Variants in MAGI2 observed in about 807,000 individuals in gnomAD.
MAGI2 encodes membrane associated guanylate kinase, WW and PDZ domain containing 2.
MAGI2 carries 35 observed loss-of-function variants against 133.3 expected under a neutral mutation model. The ratio of observed to expected loss-of-function variants is 0.26; its 90% CI spans 0.20 to 0.35. The LOEUF is 0.35. MAGI2 is among the 10% of genes least tolerant of loss of function. MAGI2 has a pLI of 1.00. For missense variants in MAGI2, 1,636 were observed against 1,863.4 expected, an observed-to-expected ratio of 0.88 and a Z score of 2.25; for synonymous variants, 729 against 710.6, an observed-to-expected ratio of 1.03 and a Z score of -0.41.
chr7:78,171,906 T>A (rs1524744), intron 14 of MAGI2, among the ~76,000 whole-genome samples: 6 of 151,424 alleles, frequency 4.0e-5, no homozygotes, highest in Admixed American at 2.6e-4. Flanking sequence ...TGTTTGTTTT[T>A]TTTTCCCTAT....
Position 79,140,969 on chromosome 7 carries a change from T to C in MAGI2, c.302-133763A>G, listed in dbSNP as rs545578043. 4.2e-4 allele frequency among the ~76,000 whole-genome samples: 64 copies of C among 152,326 alleles called. 4 individuals carry two copies. The South Asian group carries it at 0.013, about 31-fold the overall frequency. On this transcript the variant is annotated intron_variant, in intron 1 of 21. Coordinates refer to ENST00000354212, the MANE Select transcript of MAGI2 (RefSeq NM_012301.4). ...CGAATCCAAGTGTGTAGTGCCTTAA[T>C]CAGTTTCTAAATACTTCTAGGTTTT... is the stretch of plus-strand genomic sequence containing the variant.
intron 2 of MAGI2, among the ~76,000 whole-genome samples, chr7:78,852,760 G>C (rs930359027): frequency 1.3e-5 from 2 of 152,100 alleles, no homozygotes; most frequent in African/African-American, 2.4e-5. Context: ...TTTGGGGAAC[G>C]AAAAGAGTAG....
intron 2 of MAGI2, among the ~76,000 whole-genome samples, chr7:78,824,622 GTT>G (rs34749986): frequency 6.6e-6 from 1 of 151,582 alleles, no homozygotes; most frequent in Non-Finnish European, 1.5e-5. Flanking sequence ...TGATGGGGTT[GTT>G]TTTTTTCTAG....
intron 2 of MAGI2, among the ~76,000 whole-genome samples, chr7:78,917,081 T>C (rs1798862464): frequency 6.6e-6 from 1 of 152,072 alleles, no homozygotes. Context: ...CTAAAAAAAT[T>C]AGTGATCAGT....
intron 1 of MAGI2, among the ~76,000 whole-genome samples, chr7:79,140,475 T>TTATGTAAA (rs1397581713): frequency 2.0e-5 from 3 of 152,178 alleles, no homozygotes; most frequent in Non-Finnish European, 4.4e-5. Flanking sequence ...TGTATCTTGT[T>TTATGTAAA]TATGTAAATA....
chr7:78,847,115 C>G (rs374386803), intron 2 of MAGI2, among the ~76,000 whole-genome samples: 91 of 152,044 alleles, frequency 6.0e-4, no homozygotes, highest in African/African-American at 2.0e-3. Flanking sequence ...AATGGTAACT[C>G]TCCTTATAAT....
chr7:78,945,785 T>TCA (rs1319283307), intron 2 of MAGI2, among the ~76,000 whole-genome samples: 2 of 152,176 alleles, frequency 1.3e-5, no homozygotes, highest in African/African-American at 4.8e-5. Context: ...ACTGTGTGCG[T>TCA]CACACAGGAT....
chr7:78,899,345 C>T (rs1797437190), intron 2 of MAGI2, among the ~76,000 whole-genome samples: 1 of 152,078 alleles, frequency 6.6e-6, no homozygotes. Flanking sequence ...GTTATTTCTT[C>T]TTTCTCCTGC....
intron 3 of MAGI2, among the ~76,000 whole-genome samples, chr7:78,613,099 C>A (rs1806652931): frequency 6.6e-6 from 1 of 152,036 alleles, no homozygotes; most frequent in Admixed American, 6.5e-5. Flanking sequence ...ATAGTAAGAC[C>A]CATTTACTAA....
At chr7:79,177,084 T>C (rs1382653166) in intron 1 of MAGI2, 1 of 152,030 alleles carries the variant, frequency 6.6e-6, no homozygotes, top group Non-Finnish European at 1.5e-5. Context: ...TACCTAGAGA[T>C]GAAAACGGCA....
chr7:78,616,098 G>T (rs1315629612), intron 3 of MAGI2: 1 of 152,152 alleles, frequency 6.6e-6, no homozygotes, highest in Non-Finnish European at 1.5e-5. Flanking sequence ...AAATGTTAGT[G>T]AATTAGCTAA....
chr7:79,314,091 A>G (rs911549612), intron 1 of MAGI2, among the ~76,000 whole-genome samples: 2 of 152,202 alleles, frequency 1.3e-5, no homozygotes, highest in African/African-American at 4.8e-5. Flanking sequence ...CTCCTGCCTC[A>G]GCCTCCAGAG....
At chr7:78,189,458 T>A (rs367802443) in intron 12 of MAGI2, among the ~76,000 whole-genome samples, 194 of 152,296 alleles carry the variant, frequency 1.3e-3, no homozygotes, top group African/African-American at 4.3e-3. Flanking sequence ...TCAGAGAAAT[T>A]TCTGTTCTAA....
Position 78,717,886 on chromosome 7 carries a change from G to A in MAGI2, c.419-90647C>T, listed in dbSNP as rs569107258. Among the ~76,000 whole-genome samples the A allele has an allele frequency of 2.0e-5, 3 of 152,226 alleles. No homozygotes were observed. In the East Asian group the frequency reaches 5.8e-4, roughly 30 times the overall value. ...AGTACTAGCATAAGTACTAATATAA[G>A]CAAATACTGTGAAAGTCAGTTTCAA... On this transcript the variant is annotated intron_variant, in intron 2 of 21. Coordinates refer to ENST00000354212, the MANE Select transcript of MAGI2 (RefSeq NM_012301.4).
At chr7:78,274,775 T>C (rs774329094) in intron 9 of MAGI2, among the ~76,000 whole-genome samples, 7 of 152,058 alleles carry the variant, frequency 4.6e-5, no homozygotes, top group African/African-American at 7.2e-5. Flanking sequence ...TTAGCAGTGG[T>C]GGATGCACCT....
intron 1 of MAGI2, among the ~76,000 whole-genome samples, chr7:79,066,267 A>G (rs186499011): frequency 2.0e-4 from 30 of 149,904 alleles, no homozygotes; most frequent in African/African-American, 6.2e-4. Context: ...CCAGTGTGAG[A>G]TGATATCTCA....
intron 2 of MAGI2, among the ~76,000 whole-genome samples, chr7:78,850,586 T>G (rs1584142656): frequency 6.6e-6 from 1 of 152,236 alleles, no homozygotes. Context: ...GTGGCCTAGA[T>G]GTTCTTATCC....
At chr7:78,696,878 T>A (rs1051379294) in intron 2 of MAGI2, among the ~76,000 whole-genome samples, 25 of 152,138 alleles carry the variant, frequency 1.6e-4, no homozygotes, top group African/African-American at 5.1e-4. Context: ...ATAAAGCAGA[T>A]CAATTTTAGA....
intron 1 of MAGI2, among the ~76,000 whole-genome samples, chr7:79,036,346 C>T (rs1811127604): frequency 6.6e-6 from 1 of 152,148 alleles, no homozygotes; most frequent in African/African-American, 2.4e-5. Flanking sequence ...TTCATTGGTA[C>T]TTTCACCCAA....
Sources: allele counts gnomAD v4.1 joint callset (sites outside exome capture counted in the v4.1 genomes callset), GRCh38; gene constraint gnomAD v4.1.1; transcripts MANE v1.5; gene names NCBI Gene and HGNC (gene_info 2026-07-23, HGNC 2026-07-21).